Variants in FNIP2 observed in about 807,000 individuals in gnomAD.
FNIP2 encodes folliculin interacting protein 2.
A neutral mutation model predicts 108.7 loss-of-function variants in FNIP2; 32 were observed. That is an observed-to-expected ratio of 0.29 (90% CI 0.22 to 0.40). The LOEUF (loss-of-function observed/expected upper bound fraction) is 0.40, where lower values mean the gene tolerates loss of function less well. Among genes scored for constraint, FNIP2 ranks in the 10% least tolerant of loss-of-function variants. The pLI is 1.00. For synonymous variants in FNIP2, 480 were observed against 496.7 expected (o/e 0.97, Z 0.45); for missense variants, 1,202 against 1,381.6 (o/e 0.87, Z 2.06).
chr4:158,850,479 A>C (rs1373107294), intron 7 of FNIP2, among the ~76,000 whole-genome samples: 1 of 151,614 alleles, frequency 6.6e-6, no homozygotes, highest in African/African-American at 2.4e-5. Context: ...CTGGGATGGC[A>C]CTGTCAGCTC....
At chr4:158,893,736 A>T (rs369800736) in intron 15 of FNIP2, 12 of 1,538,544 alleles carry the variant, frequency 7.8e-6, no homozygotes, top group Non-Finnish European at 1.1e-5. Flanking sequence ...GAAGTAATGT[A>T]TATTAGACTT....
chr4:158,877,271 T>A (rs1254418892), intron 14 of FNIP2, among the ~76,000 whole-genome samples: 4 of 152,180 alleles, frequency 2.6e-5, no homozygotes, highest in Non-Finnish European at 5.9e-5. Flanking sequence ...CAGGCACAGA[T>A]ACACAGAAGA....
At chr4:158,852,587 C>T (rs966762170) in intron 8 of FNIP2, among the ~76,000 whole-genome samples, 2 of 152,154 alleles carry the variant, frequency 1.3e-5, no homozygotes, top group Non-Finnish European at 2.9e-5. Context: ...GCACAGCTTC[C>T]GAGTGTGGCT....
At position 158,859,177 on chromosome 4, in the gene FNIP2, A is replaced by G. The variant is rs1315592560; in HGVS notation, c.978A>G (p.Gln326=). The change falls in exon 9 of 17, where the codon CAA becomes CAG. Residue 326 remains glutamine, a synonymous_variant. Coordinates refer to ENST00000264433, the MANE Select transcript of FNIP2 (RefSeq NM_020840.3). ...CCCTATGTGAGAAAGAAGAAGCACA[A>G]AGGAATTTCCAGGACTTCTTCTTTT... is the stretch of plus-strand genomic sequence containing the variant. The part of the protein sequence containing the change: ...IFSLCEKEEA[Q]RNFQDFFFSH... 6.2e-7 allele frequency: 1 copy of G among 1,613,888 alleles called. No homozygotes were observed. The highest frequency in any genetic ancestry group is 2.2e-5 in the East Asian group (1 of 44,884).
chr4:158,795,028 A>C (rs897745339), intron 1 of FNIP2, among the ~76,000 whole-genome samples: 1 of 152,232 alleles, frequency 6.6e-6, no homozygotes, highest in African/African-American at 2.4e-5. Flanking sequence ...AAATGAAGTC[A>C]ACATTTATGA....
chr4:158,892,055 G>A (rs1446634250), intron 15 of FNIP2, among the ~76,000 whole-genome samples: 2 of 151,716 alleles, frequency 1.3e-5, no homozygotes, highest in Middle Eastern at 3.4e-3. Flanking sequence ...AGGTGTTAAG[G>A]ATAAAATAGA....
intron 7 of FNIP2, among the ~76,000 whole-genome samples, chr4:158,843,976 C>T (rs1423382832): frequency 6.6e-6 from 1 of 152,190 alleles, no homozygotes; most frequent in Non-Finnish European, 1.5e-5. Context: ...TCTGAGGGTG[C>T]TGCCTGTTTG....
At chr4:158,877,181 C>T (rs1374665912) in intron 14 of FNIP2, among the ~76,000 whole-genome samples, 5 of 152,206 alleles carry the variant, frequency 3.3e-5, no homozygotes, top group African/African-American at 1.2e-4. Flanking sequence ...AGTGGCCAGC[C>T]TGAAAGTGCA....
chr4:158,830,599 ATAAG>A (rs1186918934), intron 3 of FNIP2, among the ~76,000 whole-genome samples: 6 of 152,294 alleles, frequency 3.9e-5, no homozygotes, highest in East Asian at 3.9e-4. Context: ...GCAACCGTGC[ATAAG>A]TAAGTGTGTA....
intron 7 of FNIP2, among the ~76,000 whole-genome samples, chr4:158,838,929 A>G (rs1387454682): frequency 6.6e-6 from 1 of 152,160 alleles, no homozygotes; most frequent in Non-Finnish European, 1.5e-5. Context: ...CATTATTAGA[A>G]TTTAATGTTT....
rs181305752 is a variant in FNIP2, at chr4:158,804,022, T to G, written c.108-21894T>G. 3.1e-4 allele frequency among the ~76,000 whole-genome samples: 47 copies of G among 152,320 alleles called. 1 individual carries two copies. The highest frequency in any genetic ancestry group is 1.1e-3 in the Admixed American group (17 of 15,298). Reference sequence around the variant, plus strand: ...GGCACGATCTCAGCTCACTGCAACCTCTGCCTCCTGAGTTCAAGAGATTCT... The same window carrying G: ...GGCACGATCTCAGCTCACTGCAACCGCTGCCTCCTGAGTTCAAGAGATTCT... On this transcript the variant is annotated intron_variant, in intron 1 of 16. Coordinates refer to ENST00000264433, the MANE Select transcript of FNIP2 (RefSeq NM_020840.3).
In FNIP2 at chr4:158,861,430, C is replaced by T; in HGVS notation, c.1237C>T (p.Leu413Phe). Reference protein sequence around the residue: ...MMSGTLEKNQLCQRFLKEFTL... With the variant: ...MMSGTLEKNQFCQRFLKEFTL... ...GTCCGGCACTTTGGAAAAAAACCAG[C>T]TCTGCCAGCGCTTTCTCAAGGAGTT... Residue 413 changes from leucine (L) to phenylalanine (F), a missense_variant, in exon 11 of 17, where the codon CTC (leucine) becomes TTC (phenylalanine). By Grantham distance (22) the Leu-to-Phe change is conservative. Coordinates refer to ENST00000264433, the MANE Select transcript of FNIP2 (RefSeq NM_020840.3). 1 of 1,614,016 alleles carries T rather than the reference C, an allele frequency of 6.2e-7. No individual in the cohort carries two copies. Among genetic ancestry groups the T allele is most frequent in the Non-Finnish European group, 8.5e-7 (1 of 1,179,908 alleles).
At chr4:158,869,559 A>G (rs1481772393) in intron 13 of FNIP2, 131 bp downstream of exon 13, 2 of 1,267,894 alleles carry the variant, frequency 1.6e-6, no homozygotes, top group East Asian at 2.5e-5. Flanking sequence ...ACAAAGTACT[A>G]GAAGTATTAT....
chr4:158,890,675 G>A (rs1782233296), intron 14 of FNIP2, among the ~76,000 whole-genome samples: 1 of 152,186 alleles, frequency 6.6e-6, no homozygotes, highest in African/African-American at 2.4e-5. Flanking sequence ...GGAATATTAG[G>A]AATGTATAGA....
chr4:158,798,303 A>G (rs1303652744), intron 1 of FNIP2, among the ~76,000 whole-genome samples: 1 of 152,084 alleles, frequency 6.6e-6, no homozygotes, highest in Non-Finnish European at 1.5e-5. Context: ...AACTGAAGTG[A>G]TCCTCCCACC....
At chr4:158,796,672 T>G (rs1776601359) in intron 1 of FNIP2, among the ~76,000 whole-genome samples, 1 of 152,236 alleles carries the variant, frequency 6.6e-6, no homozygotes, top group African/African-American at 2.4e-5. Context: ...TATATAAAAA[T>G]TAACACGTCG....
In FNIP2 at chr4:158,826,022, A is replaced by G. The variant is rs750441234; in HGVS notation, c.214A>G (p.Ile72Val). ...VLFDSKAVQK[I>V]EEVTAQKTED... ...GTTTGACTCTAAAGCTGTTCAAAAG[A>G]TTGAGGAGGTGACAGCTCAGGTATG... The change falls in exon 2 of 17, where the codon ATT (isoleucine) becomes GTT (valine). Residue 72 changes from isoleucine (I) to valine (V), a missense_variant. Coordinates refer to ENST00000264433, the MANE Select transcript of FNIP2 (RefSeq NM_020840.3). The G allele has an allele frequency of 2.5e-6, 4 of 1,607,540 alleles. No homozygotes were observed. The Admixed American group carries it at 5.0e-5, about 20-fold the overall frequency.
At position 158,906,699 on chromosome 4, in the gene FNIP2, T is replaced by C. The variant is rs548048496; in HGVS notation, c.*2155T>C. 4.7e-4 allele frequency: 72 copies of C among 152,312 alleles called. No individual in the cohort carries two copies. Among genetic ancestry groups the C allele is most frequent in the African/African-American group, 1.6e-3 (66 of 41,580 alleles). The allele number at this position is 152,312 out of a possible 1,614,324, so 9.4% of individuals were successfully genotyped here. A position where few individuals can be genotyped will look rare whatever the true frequency, so the allele number is the denominator to read the frequency against. ...GTCAGAACCTAATCCTCATATCTAT[T>C]GCCTACAAAAATAGACCAAGAATGT... is the stretch of plus-strand genomic sequence containing the variant. On this transcript the variant is annotated 3_prime_UTR_variant, in exon 17 of 17. Coordinates refer to ENST00000264433, the MANE Select transcript of FNIP2 (RefSeq NM_020840.3).
intron 14 of FNIP2, among the ~76,000 whole-genome samples, chr4:158,882,379 TG>T (rs1236297172): frequency 2.0e-5 from 3 of 147,376 alleles, no homozygotes; most frequent in African/African-American, 5.1e-5. Flanking sequence ...GGGAGGGAGG[TG>T]GGGGGCGCCT....
Sources: allele counts gnomAD v4.1 joint callset (sites outside exome capture counted in the v4.1 genomes callset), GRCh38; gene constraint gnomAD v4.1.1; transcripts MANE v1.5; gene names NCBI Gene and HGNC (gene_info 2026-07-23, HGNC 2026-07-21).